The following DAB2IP variants were observed in gnomAD, a reference collection of about 807,000 sequenced individuals.
The protein encoded by DAB2IP is DAB2 interacting protein, also known as disabled homolog 2-interacting protein.
DAB2IP carries 28 observed loss-of-function variants against 107.2 expected under a neutral mutation model. The ratio of observed to expected loss-of-function variants is 0.26; its 90% CI spans 0.19 to 0.36. DAB2IP has a LOEUF of 0.36. Ranked by LOEUF, DAB2IP falls within the 10% of genes least tolerant of loss-of-function variation. The pLI is 1.00. For missense variants in DAB2IP, 1,400 were observed against 1,644.7 expected (o/e 0.85, Z 2.57); for synonymous variants, 755 against 706.4 (o/e 1.07, Z -1.09).
rs544503299 is a variant in DAB2IP at position 121,698,384 on chromosome 9, AAC to A, written c.229-940_229-939del. 1.2e-3 allele frequency among the ~76,000 whole-genome samples: 178 copies of A among 152,230 alleles called. 1 individual carries two copies. Among genetic ancestry groups the A allele is most frequent in the African/African-American group, 4.1e-3 (169 of 41,532 alleles). On this transcript the variant is annotated intron_variant, in intron 2 of 15. Transcript: ENST00000408936. This position sits in a 1 kb window ranked among gnomAD's most constrained non-coding sequence, Gnocchi z 4.1. Reference sequence around the variant, plus strand: ...AGATTGGTTTGACCTGTGTGTATTGAACGCCTGTCTCCTCTGTCTCTGCCATT... The same window carrying A: ...AGATTGGTTTGACCTGTGTGTATTGAGCCTGTCTCCTCTGTCTCTGCCATT...
At chr9:121,716,690 C>T (rs981755026) in intron 3 of DAB2IP, among the ~76,000 whole-genome samples, 5 of 152,146 alleles carry the variant, frequency 3.3e-5, no homozygotes, top group Admixed American at 6.5e-5. Flanking sequence ...GCTTTCTGCT[C>T]TTGCTCCTGC....
intron 1 of DAB2IP, among the ~76,000 whole-genome samples, chr9:121,632,445 G>C (rs558651216): frequency 2.0e-5 from 3 of 152,214 alleles, no homozygotes; most frequent in African/African-American, 7.2e-5. Flanking sequence ...ACCAAAGCCC[G>C]GGTCTCTGCA....
chr9:121,739,493 T>C (rs1589614746), intron 3 of DAB2IP, among the ~76,000 whole-genome samples: 1 of 152,046 alleles, frequency 6.6e-6, no homozygotes. Flanking sequence ...CTGGTAGGGG[T>C]AAGGGGAAGC....
intron 1 of DAB2IP, among the ~76,000 whole-genome samples, chr9:121,675,161 G>A (rs1001348724): frequency 6.6e-6 from 1 of 152,130 alleles, no homozygotes; most frequent in African/African-American, 2.4e-5. Context: ...GCTGACTGAT[G>A]TGCGGGGTTG....
chr9:121,674,740 C>G (rs564254915), intron 1 of DAB2IP, among the ~76,000 whole-genome samples: 2 of 152,208 alleles, frequency 1.3e-5, no homozygotes, highest in East Asian at 3.9e-4. Flanking sequence ...AGGCAGGATT[C>G]TGGGCATCAG....
At chr9:121,746,315 A>G (rs1384448305) in intron 3 of DAB2IP, among the ~76,000 whole-genome samples, 3 of 152,226 alleles carry the variant, frequency 2.0e-5, no homozygotes, top group African/African-American at 7.2e-5. Context: ...GTTGAGCCCT[A>G]CAGCCAAAGG....
In DAB2IP at chr9:121,772,584, T is replaced by C. The variant is rs1834842756; in HGVS notation, c.2079-23T>C. 6.3e-7 allele frequency: 1 copy of C among 1,594,860 alleles called. No homozygotes were observed. The highest frequency in any genetic ancestry group is 8.6e-7 in the Non-Finnish European group (1 of 1,168,206). On this transcript the variant is annotated intron_variant, in intron 11 of 15. Coordinates refer to ENST00000408936, the Ensembl canonical transcript of DAB2IP. The surrounding 1 kb of genome is among the most constrained non-coding windows in gnomAD (Gnocchi z 4.7). ...AGTTCTTCTTTTCCCCTTCTTTCCC[T>C]GTGTGTGCTTGTCTCCCTGCAGTCT...
chr9:121,768,877 A>G (rs1834491668), intron 10 of DAB2IP, among the ~76,000 whole-genome samples: 1 of 152,202 alleles, frequency 6.6e-6, no homozygotes, highest in Admixed American at 6.5e-5. Context: ...TTCCGCATGC[A>G]CTCAGCCTTT....
Position 121,751,822 on chromosome 9 carries a change from A to C in DAB2IP, c.363-5191A>C, listed in dbSNP as rs572760721. On this transcript the variant is annotated intron_variant, in intron 3 of 15. Transcript: ENST00000408936. ...ACAGGAGAAGGCCAGTGGAACTCCC[A>C]TTCCCCTCTGCCCTCCCATGCCCTG... The C allele has an allele frequency of 6.8e-6, 4 of 592,338 alleles. No individual in the cohort carries two copies. In the South Asian group the frequency reaches 2.9e-4, roughly 44 times the overall value. 36.7% of individuals were successfully genotyped at this position (592,338 alleles called of 1,614,324 possible).
chr9:121,666,276 TCTC>T (rs1322876294), intron 1 of DAB2IP, among the ~76,000 whole-genome samples: 9 of 152,192 alleles, frequency 5.9e-5, no homozygotes, highest in Non-Finnish European at 1.3e-4. Flanking sequence ...TCCAAGATAA[TCTC>T]CTCATCTCGA....
intron 2 of DAB2IP, among the ~76,000 whole-genome samples, chr9:121,693,315 C>G (rs1829253463): frequency 6.6e-6 from 1 of 152,204 alleles, no homozygotes; most frequent in Non-Finnish European, 1.5e-5. Context: ...GGACCCCCAC[C>G]ACCCCCAGCC....
chr9:121,689,392 T>C (rs1829048274), intron 2 of DAB2IP, among the ~76,000 whole-genome samples: 1 of 151,636 alleles, frequency 6.6e-6, no homozygotes, highest in African/African-American at 2.4e-5. Context: ...AGATGGTAAA[T>C]CACCCAGGAG....
At chr9:121,577,099 G>C (rs1205730720) in intron 1 of DAB2IP, among the ~76,000 whole-genome samples, 1 of 152,182 alleles carries the variant, frequency 6.6e-6, no homozygotes, top group Admixed American at 6.6e-5. Context: ...TTCAAGGTGG[G>C]AGCCACATCC....
At position 121,599,816 on chromosome 9, in the gene DAB2IP, C is replaced by T. The variant is rs1278639476; in HGVS notation, c.40+32588C>T. On this transcript the variant is annotated intron_variant, in intron 1 of 16. Coordinates refer to the DAB2IP transcript ENST00000259371. This position sits in a 1 kb window ranked among gnomAD's most constrained non-coding sequence, Gnocchi z 6.9. ...GGTGGAGGGGGGCTCGGTGGTTTGC[C>T]GGGATCCGAGCGGCATCCCGGGTTC... is the stretch of plus-strand genomic sequence containing the variant. 6.6e-6 allele frequency among the ~76,000 whole-genome samples: 1 copy of T among 151,632 alleles called. No homozygotes were observed. Among genetic ancestry groups the T allele is most frequent in the Non-Finnish European group, 1.5e-5 (1 of 67,836 alleles).
rs1188525002 is a variant in DAB2IP, at chr9:121,635,029, T to TGC, written c.41-43645_41-43644dup. ...AGACCTGTGTATATGTGTGTGTGTG[T>TGC]GCGCGTGCGTGTGTATGTGTGTGTG... On this transcript the variant is annotated intron_variant, in intron 1 of 16. Coordinates refer to the DAB2IP transcript ENST00000259371. The surrounding 1 kb of genome is among the most constrained non-coding windows in gnomAD (Gnocchi z 4.3). Among the ~76,000 whole-genome samples, 3 of 152,130 alleles carry TGC rather than the reference T, an allele frequency of 2.0e-5. No homozygotes were observed. Among genetic ancestry groups the TGC allele is most frequent in the Admixed American group, 1.3e-4 (2 of 15,268 alleles).
intron 3 of DAB2IP, among the ~76,000 whole-genome samples, chr9:121,742,597 G>T (rs1388237030): frequency 6.6e-6 from 1 of 152,134 alleles, no homozygotes; most frequent in Non-Finnish European, 1.5e-5. Flanking sequence ...AACTAGGCAG[G>T]CCCTGCCCAC....
chr9:121,774,076 T>C (rs1834994691), intron 12 of DAB2IP, among the ~76,000 whole-genome samples, 184 bp from the exon 13 acceptor site: 1 of 152,206 alleles, frequency 6.6e-6, no homozygotes, highest in Non-Finnish European at 1.5e-5. Flanking sequence ...GCTCTGCCTT[T>C]GGCTGCCGTC....
chr9:121,722,849 C>G (rs562896626), intron 3 of DAB2IP, among the ~76,000 whole-genome samples: 1 of 152,258 alleles, frequency 6.6e-6, no homozygotes, highest in African/African-American at 2.4e-5. Flanking sequence ...TATAGAGTAC[C>G]AAATTCCAGG....
chr9:121,743,302 C>T (rs1832479816), intron 3 of DAB2IP, among the ~76,000 whole-genome samples: 1 of 152,184 alleles, frequency 6.6e-6, no homozygotes, highest in African/African-American at 2.4e-5. Flanking sequence ...ATTTAGCTTC[C>T]TTGTTTTGTT....
Sources: allele counts gnomAD v4.1 joint callset (sites outside exome capture counted in the v4.1 genomes callset), GRCh38; gene constraint gnomAD v4.1.1; non-coding constraint Gnocchi (gnomAD v3.1); transcripts MANE v1.5; gene names NCBI Gene and HGNC (gene_info 2026-07-23, HGNC 2026-07-21).